FOXN4: variants seen among roughly 807,000 people sequenced by gnomAD.
The protein encoded by FOXN4 is forkhead box protein N4.
FOXN4 carries 12 observed loss-of-function variants against 45.0 expected under a neutral mutation model. The ratio of observed to expected loss-of-function variants is 0.27; its 90% confidence interval spans 0.17 to 0.43. The LOEUF (loss-of-function observed/expected upper bound fraction) is 0.43, where lower values mean the gene tolerates loss of function less well. FOXN4 is among the 20% of genes least tolerant of loss of function. The probability of loss-of-function intolerance (pLI) is 1.00; values close to 1 mark genes in which losing one functional copy is unlikely to be tolerated. For synonymous variants in FOXN4, 297 were observed against 295.0 expected (o/e 1.01, Z -0.07); for missense variants, 560 against 694.9 (o/e 0.81, Z 2.18).
intron 1 of FOXN4, 77 bp from the exon 2 acceptor site, chr12:109,308,401 CAATTCAGAAAGATGGA>C (rs1380625505): frequency 1.0e-6 from 1 of 980,510 alleles, no homozygotes; most frequent in East Asian, 2.7e-5. Flanking sequence ...AGTTTTCCCG[CAATTCAGAAAGATGGA>C]GCACAATCAA....
At chr12:109,308,626 A>C (rs1243665673) in intron 1 of FOXN4, among the ~76,000 whole-genome samples, 2 of 152,146 alleles carry the variant, frequency 1.3e-5, no homozygotes, top group African/African-American at 4.8e-5. Context: ...GAAAATGTGG[A>C]CTCACAAAAT....
In FOXN4 at chr12:109,302,820, G is replaced by A. The variant is rs1249954612; in HGVS notation, c.86+5416C>T. On this transcript the variant is annotated intron_variant, in intron 2 of 9. Coordinates refer to ENST00000299162, the MANE Select transcript of FOXN4 (RefSeq NM_213596.3). ...TCCGCCCTGATTACAACAAGGTTTCGCCTGCCTTCTTGAGATGTGGTGGGT... is the reference window on the plus strand; with the variant it reads ...TCCGCCCTGATTACAACAAGGTTTCACCTGCCTTCTTGAGATGTGGTGGGT... Among the ~76,000 whole-genome samples, 8 of 152,296 alleles carry A rather than the reference G, an allele frequency of 5.3e-5. No homozygotes were observed. In the East Asian group the frequency reaches 9.7e-4, roughly 18 times the overall value.
intron 9 of FOXN4, among the ~76,000 whole-genome samples, chr12:109,280,880 C>A (rs1186354113): frequency 5.3e-5 from 8 of 152,164 alleles, no homozygotes; most frequent in Non-Finnish European, 4.4e-5. Flanking sequence ...CAGAGTGTGA[C>A]CTGGCATGGG....
intron 8 of FOXN4, among the ~76,000 whole-genome samples, chr12:109,283,475 CT>C (rs5800847): frequency 0.4 from 51,655 of 129,304 alleles, 8,915 homozygotes; most frequent in East Asian, 0.51. Context: ...TGTTTGAGAA[CT>C]TTTTTTTTTT....
At chr12:109,304,940 C>G (rs988115271) in intron 2 of FOXN4, among the ~76,000 whole-genome samples, 2 of 152,218 alleles carry the variant, frequency 1.3e-5, no homozygotes, top group Non-Finnish European at 2.9e-5. Context: ...ATTCGAAGTG[C>G]AGAATCCTCC....
At chr12:109,295,436 A>ATGCC (rs1282397956) in intron 2 of FOXN4, among the ~76,000 whole-genome samples, 1 of 152,166 alleles carries the variant, frequency 6.6e-6, no homozygotes, top group African/African-American at 2.4e-5. Flanking sequence ...CATGTCACTG[A>ATGCC]TGCCTGCCTG....
At position 109,291,259 on chromosome 12, in the gene FOXN4, A is replaced by C. The variant is rs1593777131; in HGVS notation, c.87-973T>G. 6.7e-6 allele frequency among the ~76,000 whole-genome samples: 1 copy of C among 149,676 alleles called. No homozygotes were observed. Among genetic ancestry groups the C allele is most frequent in the African/African-American group, 2.5e-5 (1 of 40,522 alleles). On this transcript the variant is annotated intron_variant, in intron 2 of 9. Coordinates refer to ENST00000299162, the MANE Select transcript of FOXN4 (RefSeq NM_213596.3). The surrounding 1 kb of genome is among the most constrained non-coding windows in gnomAD (Gnocchi z 6.6). Reference sequence around the variant, plus strand: ...GCCCTCAAGTCACACTTGCCACGCGACTCCGAGAGCATCGGGTCTTACACC... The same window carrying C: ...GCCCTCAAGTCACACTTGCCACGCGCCTCCGAGAGCATCGGGTCTTACACC...
chr12:109,281,470 T>C lies in FOXN4; in HGVS notation c.1231A>G (p.Ser411Gly), dbSNP rs766555670. The change falls in exon 9 of 10, where the codon AGC (serine) becomes GGC (glycine). Residue 411 changes from serine to glycine, a missense_variant. Physicochemically the swap from Ser to Gly is moderately conservative, Grantham distance 56. This residue lies in a region of FOXN4 where 315 missense variants were observed against 350.5 expected (regional missense o/e 0.90). Coordinates refer to ENST00000299162, the MANE Select transcript of FOXN4 (RefSeq NM_213596.3). ...TCCACCTCAGTGTTCATGTCGGTGC[T>C]GATGTTGATGAAGTCTACAGGAGCC... ...GRAPVDFINI[S>G]TDMNTEVDAL... The C allele has an allele frequency of 9.9e-6, 16 of 1,613,828 alleles. No individual in the cohort carries two copies. In the Admixed American group the frequency reaches 2.7e-4, roughly 27 times the overall value.
chr12:109,286,997 G>T (rs2047718862), intron 6 of FOXN4: 1 of 938,562 alleles, frequency 1.1e-6, no homozygotes, highest in Non-Finnish European at 1.5e-6. Flanking sequence ...CCTCTTTATT[G>T]CATCCCCATA....
chr12:109,283,273 A>C (rs1328684883), intron 8 of FOXN4, among the ~76,000 whole-genome samples: 1 of 152,122 alleles, frequency 6.6e-6, no homozygotes, highest in Non-Finnish European at 1.5e-5. Flanking sequence ...AAAGTTATCA[A>C]TGGTCTCTCC....
intron 2 of FOXN4, 63 bp downstream of exon 2, chr12:109,308,173 A>T (rs910060955): frequency 2.3e-6 from 3 of 1,324,996 alleles, no homozygotes; most frequent in Non-Finnish European, 3.1e-6. Flanking sequence ...AGAAACCATA[A>T]ACAGCATACA....
chr12:109,279,607 C>G lies in FOXN4; in HGVS notation c.*64G>C, dbSNP rs1259720368. 2 of 1,544,762 alleles carry G rather than the reference C, an allele frequency of 1.3e-6. No individual in the cohort carries two copies. The highest frequency in any genetic ancestry group is 3.9e-5 in the Admixed American group (2 of 50,908). On this transcript the variant is annotated 3_prime_UTR_variant, in exon 10 of 10. Transcript: ENST00000299162. ...GAGGGACCTGCCTTCTGGGAACACC[C>G]TGTTCTAGTCAGTTCTCTGCCCAAG... is the stretch of plus-strand genomic sequence containing the variant.
At chr12:109,299,128 C>G in intron 2 of FOXN4, among the ~76,000 whole-genome samples, 1 of 152,114 alleles carries the variant, frequency 6.6e-6, no homozygotes, top group Non-Finnish European at 1.5e-5. Context: ...AGGGAGTCCT[C>G]ATTGGTGAGC....
At chr12:109,286,549 G>A in intron 7 of FOXN4, 99 bp downstream of exon 7, 2 of 1,164,508 alleles carry the variant, frequency 1.7e-6, no homozygotes, top group Admixed American at 2.1e-5. Flanking sequence ...GACATAACTG[G>A]GAACCAAAGA....
chr12:109,287,422 A>G lies in FOXN4; in HGVS notation c.571T>C (p.Tyr191His), dbSNP rs2136922386. ...CTGTACGAGTAGATGGGCTTGGGGT[A>G]GTGTTTGGGGTGCAGTTCTTGAGAT... Reference protein sequence around the residue: ...HSSQELHPKHYPKPIYSYSCL... With the variant: ...HSSQELHPKHHPKPIYSYSCL... The change falls in exon 6 of 10, where the codon TAC becomes CAC. Residue 191 changes from tyrosine to histidine, a missense_variant. This residue lies in a region of FOXN4 where 61 missense variants were observed against 59.8 expected (regional missense o/e 1.02). Transcript: ENST00000299162. The surrounding 1 kb of genome is among the most constrained non-coding windows in gnomAD (Gnocchi z 4.1). 6.4e-7 allele frequency: 1 copy of G among 1,551,506 alleles called. No homozygotes were observed. The highest frequency in any genetic ancestry group is 1.2e-5 in the South Asian group (1 of 84,056).
At position 109,279,386 on chromosome 12, in the gene FOXN4, G is replaced by A. The variant is rs766255099; in HGVS notation, c.*285C>T. 1.3e-4 allele frequency: 63 copies of A among 497,178 alleles called. No homozygotes were observed. Among genetic ancestry groups the A allele is most frequent in the Middle Eastern group, 5.6e-4 (1 of 1,792 alleles). 30.8% of individuals were successfully genotyped at this position (497,178 alleles called of 1,614,324 possible). On this transcript the variant is annotated 3_prime_UTR_variant, in exon 10 of 10. Coordinates refer to ENST00000299162, the MANE Select transcript of FOXN4 (RefSeq NM_213596.3). ...GGGCAGGCATTGCGGCTCAGGCCTC[G>A]GAGGAGTGTCAAGGGGTCGGGGGAT...
At chr12:109,302,852 CTG>C (rs1191396157) in intron 2 of FOXN4, among the ~76,000 whole-genome samples, 1 of 152,196 alleles carries the variant, frequency 6.6e-6, no homozygotes. Flanking sequence ...GGGTAAGAAA[CTG>C]TTACATCACT....
rs1249345415 is a variant in FOXN4 at position 109,281,710 on chromosome 12, C to T, written c.991G>A (p.Ala331Thr). ...GEPEAPVLTH[A>T]TTVAVAHGCL... Reference sequence around the variant, plus strand: ...CCATGCGCCACGGCCACTGTGGTGGCGTGAGTCAGCACGGGGGCCTCTGGT... The same window carrying T: ...CCATGCGCCACGGCCACTGTGGTGGTGTGAGTCAGCACGGGGGCCTCTGGT... The change falls in exon 9 of 10, where the codon GCC (alanine) becomes ACC (threonine). Residue 331 changes from alanine (A) to threonine (T), a missense_variant. Ala to Thr is a moderately conservative substitution (Grantham distance 58). Coordinates refer to ENST00000299162, the MANE Select transcript of FOXN4 (RefSeq NM_213596.3). 18 of 1,610,964 alleles carry T rather than the reference C, an allele frequency of 1.1e-5. No homozygotes were observed. Among genetic ancestry groups the T allele is most frequent in the African/African-American group, 4.0e-5 (3 of 74,860 alleles).
rs186831498 is a variant in FOXN4, at chr12:109,291,241, A to G, written c.87-955T>C. Among the ~76,000 whole-genome samples the G allele has an allele frequency of 1.4e-3, 210 of 151,894 alleles. 2 individuals are homozygous for G. Among genetic ancestry groups the G allele is most frequent in the African/African-American group, 5.0e-3 (207 of 41,434 alleles). ...GCCATGTCACTCCCCAGTGCCCTCA[A>G]GTCACACTTGCCACGCGACTCCGAG... On this transcript the variant is annotated intron_variant, in intron 2 of 9. Transcript: ENST00000299162. This position sits in a 1 kb window ranked among gnomAD's most constrained non-coding sequence, Gnocchi z 6.6.
Sources: gnomAD v4.1 joint callset for allele counts (sites outside exome capture counted in the v4.1 genomes callset) on GRCh38, gnomAD v4.1.1 for gene constraint, gnomAD v4.1.1 regional missense constraint, Gnocchi (gnomAD v3.1) non-coding constraint, MANE v1.5 for transcripts, NCBI Gene and HGNC (gene_info 2026-07-23, HGNC 2026-07-21) for gene names.